Variants in HLTF observed in about 807,000 individuals in gnomAD.
HLTF encodes the protein DNA-dependent ATPase/E3 ubiquitin-protein ligase HLTF.
In HLTF, 127 loss-of-function variants were observed where a neutral mutation model predicts 129.4. The ratio of observed to expected loss-of-function variants is 0.98; its 90% CI spans 0.85 to 1.14. The LOEUF is 1.14. HLTF is among the 50% of genes most tolerant of loss of function. The pLI, the probability that HLTF is intolerant of heterozygous loss-of-function variation, is 0.00. For synonymous variants in HLTF, 332 were observed against 388.8 expected, an observed-to-expected ratio of 0.85 and a Z score of 1.72; for missense variants, 1,139 against 1,187.1, an observed-to-expected ratio of 0.96 and a Z score of 0.60.
At chr3:149,069,814 TG>T (rs1718700754) in intron 7 of HLTF, among the ~76,000 whole-genome samples, 1 of 152,180 alleles carries the variant, frequency 6.6e-6, no homozygotes, top group Non-Finnish European at 1.5e-5. Context: ...AATGATAAAA[TG>T]TGAGTTTTCA....
chr3:149,033,967 CA>C (rs1177475887), intron 24 of HLTF, among the ~76,000 whole-genome samples: 1 of 151,974 alleles, frequency 6.6e-6, no homozygotes, highest in Admixed American at 6.6e-5. Context: ...CATACATAAA[CA>C]AAAGATTTCA....
intron 14 of HLTF, among the ~76,000 whole-genome samples, chr3:149,054,804 C>T (rs766168322): frequency 1.3e-5 from 2 of 152,114 alleles, no homozygotes; most frequent in African/African-American, 2.4e-5. Flanking sequence ...GGCAACTTAA[C>T]CTCTCTGTGT....
At position 149,042,942 on chromosome 3, in the gene HLTF, A is replaced by G. The variant is rs541483222; in HGVS notation, c.2073-652T>C. On this transcript the variant is annotated intron_variant, in intron 18 of 24. Coordinates refer to ENST00000310053, the MANE Select transcript of HLTF (RefSeq NM_003071.4). ...ATAGCTAGTCCAAGAAGAACTCAAG[A>G]TATTCAAATATAAGTAATAATCAGC... Among the ~76,000 whole-genome samples, 9 of 152,230 alleles carry G rather than the reference A, an allele frequency of 5.9e-5. No homozygotes were observed. The East Asian group carries it at 1.5e-3, about 26-fold the overall frequency.
At chr3:149,034,484 A>G (rs1715400955) in intron 24 of HLTF, among the ~76,000 whole-genome samples, 1 of 152,150 alleles carries the variant, frequency 6.6e-6, no homozygotes, top group South Asian at 2.1e-4. Flanking sequence ...AGATGATGAA[A>G]AAGTTCTGGA....
Position 149,034,925 on chromosome 3 carries a change from A to T in HLTF, c.2870T>A (p.Ile957Asn), listed in dbSNP as rs777160310. The T allele has an allele frequency of 1.9e-6, 3 of 1,611,018 alleles. No individual in the cohort carries two copies. Among genetic ancestry groups the T allele is most frequent in the Non-Finnish European group, 2.5e-6 (3 of 1,177,160 alleles). ...GTTTGTTTAAAAACTCACTTTTGTG[A>T]TGATAACTTCTTGCTTCTGACCAAG... ...HRLGQKQEVIITKFIVKDSVE... is the reference protein window; with the variant it reads ...HRLGQKQEVINTKFIVKDSVE... Residue 957 changes from isoleucine (I) to asparagine (N), a missense_variant, in exon 24 of 25, where the codon ATC (isoleucine) becomes AAC (asparagine). By Grantham distance (149) the Ile-to-Asn change is moderately radical. Transcript: ENST00000310053.
intron 24 of HLTF, 61 bp from the exon 25 acceptor site, chr3:149,032,433 A>T (rs1715161754): frequency 5.6e-6 from 6 of 1,064,490 alleles, no homozygotes; most frequent in South Asian, 3.8e-5. Flanking sequence ...AATCTTTATT[A>T]AAAAAACTAA....
chr3:149,078,652 T>C (rs1719598836), intron 2 of HLTF, among the ~76,000 whole-genome samples: 1 of 152,018 alleles, frequency 6.6e-6, no homozygotes, highest in South Asian at 2.1e-4. Flanking sequence ...GGTCAGGAGA[T>C]CGAGACCATC....
Position 149,046,110 on chromosome 3 carries a change from A to T in HLTF, c.2042T>A (p.Val681Glu). The change falls in exon 18 of 25, where the codon GTG becomes GAG. Residue 681 changes from valine to glutamate, a missense_variant. Physicochemically the swap from Val to Glu is moderately radical, Grantham distance 121 (BLOSUM62 -2). Coordinates refer to ENST00000310053, the MANE Select transcript of HLTF (RefSeq NM_003071.4). Reference protein sequence around the residue: ...SDEERKIYQSVKNEGRATIGR... With the variant: ...SDEERKIYQSEKNEGRATIGR... ...AATAGTGGCTCTGCCTTCATTTTTC[A>T]CAGACTGATAAATCTTTCTCTCTTC... 6.2e-7 allele frequency: 1 copy of T among 1,610,054 alleles called. No individual in the cohort carries two copies. Among genetic ancestry groups the T allele is most frequent in the Non-Finnish European group, 8.5e-7 (1 of 1,178,526 alleles).
chr3:149,054,865 A>T (rs1324011487), intron 14 of HLTF, among the ~76,000 whole-genome samples: 1 of 152,220 alleles, frequency 6.6e-6, no homozygotes, highest in Non-Finnish European at 1.5e-5. Flanking sequence ...GAATTAAATG[A>T]GAAAAATCCT....
At chr3:149,033,851 G>A (rs1715344702) in intron 24 of HLTF, among the ~76,000 whole-genome samples, 3 of 152,110 alleles carry the variant, frequency 2.0e-5, no homozygotes, top group African/African-American at 4.8e-5. Context: ...AACCTAGAAC[G>A]TATAAAAAAG....
intron 10 of HLTF, chr3:149,063,218 C>T (rs956636146): frequency 2.2e-6 from 1 of 452,572 alleles, no homozygotes; most frequent in African/African-American, 2.0e-5. Context: ...CACGACCACG[C>T]CTGGCTAATT....
Position 149,050,526 on chromosome 3 carries a change from A to T in HLTF, c.1474-151T>A, listed in dbSNP as rs139180069. 1.1e-3 allele frequency: 516 copies of T among 455,118 alleles called. 2 individuals are homozygous for T. Among genetic ancestry groups the T allele is most frequent in the African/African-American group, 9.6e-3 (480 of 49,894 alleles). The allele number at this position is 455,118 out of a possible 1,614,324, so 28.2% of individuals were successfully genotyped here. On this transcript the variant is annotated intron_variant, in intron 14 of 24. Coordinates refer to ENST00000310053, the MANE Select transcript of HLTF (RefSeq NM_003071.4). Reference sequence around the variant, plus strand: ...GTTTCCTTCAGTCTAGACCAAAATAATAACAATAAGAAAAATGACACATAC... The same window carrying T: ...GTTTCCTTCAGTCTAGACCAAAATATTAACAATAAGAAAAATGACACATAC...
intron 18 of HLTF, among the ~76,000 whole-genome samples, chr3:149,044,341 T>C (rs1185150647): frequency 2.0e-5 from 3 of 152,196 alleles, no homozygotes; most frequent in Non-Finnish European, 4.4e-5. Flanking sequence ...CTTTTTCAAA[T>C]AGAATAACCT....
rs755554282 is a variant in HLTF at position 149,046,171 on chromosome 3, G to A, written c.1981C>T (p.Arg661Cys). The change falls in exon 18 of 25, where the codon CGT (arginine) becomes TGT (cysteine). Residue 661 changes from arginine to cysteine, a missense_variant. Transcript: ENST00000310053. ...GTAATGTGCTGAATAAATACTTTACGTTCTGGTAACTCCAAAACAGGTTTT... is the reference window on the plus strand; with the variant it reads ...GTAATGTGCTGAATAAATACTTTACATTCTGGTAACTCCAAAACAGGTTTT... Reference protein sequence around the residue: ...KGKPVLELPERKVFIQHITLS... With the variant: ...KGKPVLELPECKVFIQHITLS... 8.1e-6 allele frequency: 13 copies of A among 1,607,184 alleles called. No homozygotes were observed. The highest frequency in any genetic ancestry group is 4.5e-5 in the East Asian group (2 of 44,616).
At chr3:149,057,949 C>A (rs1393844423) in intron 13 of HLTF, among the ~76,000 whole-genome samples, 1 of 152,142 alleles carries the variant, frequency 6.6e-6, no homozygotes, top group African/African-American at 2.4e-5. Context: ...TATTCAGCTT[C>A]ATTATATTTT....
chr3:149,057,038 G>GA lies in HLTF; in HGVS notation c.1376-1639_1376-1638insT, dbSNP rs1289090307. Among the ~76,000 whole-genome samples, 96 of 148,592 alleles carry GA rather than the reference G, an allele frequency of 6.5e-4. 1 individual carries two copies. Among genetic ancestry groups the GA allele is most frequent in the Non-Finnish European group, 1.2e-3 (77 of 66,908 alleles). On this transcript the variant is annotated intron_variant, in intron 13 of 24. Transcript: ENST00000310053. ...GCAGGAGAATGGCGTGAACCCCAGG[G>GA]GGCGGAGCCTGCAGTGAGCCGAGAT...
chr3:149,031,088 C>T lies in HLTF; in HGVS notation c.*1132G>A, dbSNP rs1714992652. The T allele has an allele frequency of 6.6e-6, 1 of 150,502 alleles. No homozygotes were observed. Among genetic ancestry groups the T allele is most frequent in the Admixed American group, 6.6e-5 (1 of 15,188 alleles). The allele number at this position is 150,502 out of a possible 1,614,324, so 9.3% of individuals were successfully genotyped here. A position where few individuals can be genotyped will look rare whatever the true frequency, so the allele number is the denominator to read the frequency against. ...AATCTGACTGCTAAATTTCTAGCTT[C>T]TTTGTTTTAAATATGCTCAGGAGTC... is the stretch of plus-strand genomic sequence containing the variant. On this transcript the variant is annotated 3_prime_UTR_variant, in exon 25 of 25. Transcript: ENST00000310053.
intron 13 of HLTF, among the ~76,000 whole-genome samples, chr3:149,056,978 G>A (rs1227253461): frequency 6.6e-6 from 1 of 151,264 alleles, no homozygotes; most frequent in Non-Finnish European, 1.5e-5. Context: ...GGGAGGTGGC[G>A]GGCGCCTGTA....
rs1716199946 is a variant in HLTF, at chr3:149,042,309, A to T, written c.2073-19T>A. The T allele has an allele frequency of 6.3e-7, 1 of 1,593,566 alleles. No individual in the cohort carries two copies. Among genetic ancestry groups the T allele is most frequent in the Admixed American group, 1.7e-5 (1 of 58,832 alleles). ...AAAATACCTAGAGATTAAAATGTCA[A>T]ATATTATTAAGTCCGCTAAACAATA... On this transcript the variant is annotated intron_variant, in intron 18 of 24. Transcript: ENST00000310053.
Sources: allele counts gnomAD v4.1 joint callset (sites outside exome capture counted in the v4.1 genomes callset), GRCh38; gene constraint gnomAD v4.1.1; transcripts MANE v1.5; gene names NCBI Gene and HGNC (gene_info 2026-07-23, HGNC 2026-07-21).